Variants in PLA2G4A observed in about 807,000 individuals in gnomAD.
The protein encoded by PLA2G4A is phospholipase A2 group IVA, also known as cytosolic phospholipase A2.
A neutral mutation model predicts 81.9 loss-of-function variants in PLA2G4A; 40 were observed. The ratio of observed to expected loss-of-function variants is 0.49; its 90% confidence interval spans 0.38 to 0.64. The LOEUF is 0.64. PLA2G4A is among the 30% of genes least tolerant of loss of function. PLA2G4A has a pLI of 0.00. For missense variants in PLA2G4A, 715 were observed against 905.1 expected (o/e 0.79, Z 2.69); for synonymous variants, 302 against 296.9 (o/e 1.02, Z -0.18).
Position 186,893,135 on chromosome 1 carries a change from T to A in PLA2G4A, c.240T>A (p.Asp80Glu). 1 of 1,612,906 alleles carries A rather than the reference T, an allele frequency of 6.2e-7. No homozygotes were observed. The highest frequency in any genetic ancestry group is 8.5e-7 in the Non-Finnish European group (1 of 1,178,940). Residue 80 changes from aspartate to glutamate, a missense_variant, in exon 4 of 18, where the codon GAT becomes GAA. Coordinates refer to ENST00000367466, the MANE Select transcript of PLA2G4A (RefSeq NM_024420.3). The part of the protein sequence containing the change: ...VWNETFEFIL[D>E]PNQENVLEIT... ...ATGAGACCTTTGAATTTATTTTGGATCCTAATCAGGAAAATGTTTTGGAGG... is the reference window on the plus strand; with the variant it reads ...ATGAGACCTTTGAATTTATTTTGGAACCTAATCAGGAAAATGTTTTGGAGG...
At chr1:186,926,747 C>T (rs891586943) in intron 7 of PLA2G4A, among the ~76,000 whole-genome samples, 33 of 152,228 alleles carry the variant, frequency 2.2e-4, no homozygotes, top group Admixed American at 6.5e-4. Flanking sequence ...TACCTTTGTG[C>T]GTCACTTGTA....
chr1:186,908,445 A>T (rs1654817831), intron 6 of PLA2G4A, among the ~76,000 whole-genome samples: 1 of 151,944 alleles, frequency 6.6e-6, no homozygotes. Flanking sequence ...TATGTTAGTG[A>T]TTGATAGATT....
intron 2 of PLA2G4A, among the ~76,000 whole-genome samples, chr1:186,866,579 T>C (rs942486354): frequency 1.3e-5 from 2 of 152,140 alleles, no homozygotes; most frequent in East Asian, 1.9e-4. Flanking sequence ...AAAAACAATC[T>C]TTTTGTACAT....
intron 7 of PLA2G4A, among the ~76,000 whole-genome samples, chr1:186,922,482 G>T (rs1051076501): frequency 2.0e-5 from 3 of 152,154 alleles, no homozygotes; most frequent in African/African-American, 7.2e-5. Flanking sequence ...CCTTCACGGG[G>T]GCCTGCCACG....
chr1:186,841,252 A>C lies in PLA2G4A; in HGVS notation c.-70+12217A>C, dbSNP rs574417020. 2.0e-5 allele frequency among the ~76,000 whole-genome samples: 3 copies of C among 152,284 alleles called. No homozygotes were observed. The East Asian group carries it at 5.8e-4, about 29-fold the overall frequency. On this transcript the variant is annotated intron_variant, in intron 1 of 17. Coordinates refer to ENST00000367466, the MANE Select transcript of PLA2G4A (RefSeq NM_024420.3). ...CAAAAGATGAAAGTGATTCTTTTTG[A>C]GCTTTATTGGACCAATCCCAAGGAG...
intron 5 of PLA2G4A, among the ~76,000 whole-genome samples, chr1:186,896,733 A>AT (rs796798166): frequency 1.3e-5 from 2 of 151,884 alleles, no homozygotes; most frequent in East Asian, 1.9e-4. Flanking sequence ...TTATGTAACT[A>AT]TTTTTTTTAG....
intron 3 of PLA2G4A, among the ~76,000 whole-genome samples, chr1:186,888,884 T>G (rs1265774480): frequency 6.6e-6 from 1 of 152,170 alleles, no homozygotes; most frequent in Non-Finnish European, 1.5e-5. Flanking sequence ...GAGAAAAATC[T>G]GGCCCTATGA....
Position 186,988,950 on chromosome 1 carries a change from T to C in PLA2G4A, c.*442T>C, listed in dbSNP as rs1657985104. ...TTATTTATATATGCATATATATACA[T>C]ACATGAAATAAATACATCAATATAA... is the stretch of plus-strand genomic sequence containing the variant. On this transcript the variant is annotated 3_prime_UTR_variant, in exon 18 of 18. Coordinates refer to ENST00000367466, the MANE Select transcript of PLA2G4A (RefSeq NM_024420.3). The C allele has an allele frequency of 6.4e-6, 1 of 155,114 alleles. No homozygotes were observed. The highest frequency in any genetic ancestry group is 1.4e-5 in the Non-Finnish European group (1 of 69,570). The allele number at this position is 155,114 out of a possible 1,614,324, so 9.6% of individuals were successfully genotyped here. A position where few individuals can be genotyped will look rare whatever the true frequency, so the allele number is the denominator to read the frequency against.
intron 17 of PLA2G4A, among the ~76,000 whole-genome samples, chr1:186,979,943 C>CTTTTTTTTT (rs34029312): frequency 1.0e-4 from 10 of 98,806 alleles, no homozygotes; most frequent in East Asian, 3.3e-4. Flanking sequence ...ACAGCATTTC[C>CTTTTTTTTT]TTTTTTTTTT....
At chr1:186,857,049 T>G (rs1652579150) in intron 2 of PLA2G4A, among the ~76,000 whole-genome samples, 1 of 28,050 alleles carries the variant, frequency 3.6e-5, no homozygotes, top group Non-Finnish European at 6.5e-5. Flanking sequence ...AGCCCCCACA[T>G]GTGTCTGCCA....
At chr1:186,847,240 G>A (rs962169406) in intron 1 of PLA2G4A, among the ~76,000 whole-genome samples, 3 of 151,988 alleles carry the variant, frequency 2.0e-5, no homozygotes, top group Non-Finnish European at 4.4e-5. Context: ...AAATGTGATA[G>A]AGCTTATTTA....
At chr1:186,874,644 G>A (rs1653404645) in intron 3 of PLA2G4A, among the ~76,000 whole-genome samples, 1 of 151,958 alleles carries the variant, frequency 6.6e-6, no homozygotes, top group Non-Finnish European at 1.5e-5. Flanking sequence ...AAACATTAGA[G>A]CTTCCAAGAA....
chr1:186,943,183 T>C (rs549337349), intron 10 of PLA2G4A, among the ~76,000 whole-genome samples: 1 of 152,324 alleles, frequency 6.6e-6, no homozygotes, highest in South Asian at 2.1e-4. Context: ...CAATACCGGA[T>C]AATATTTTCC....
chr1:186,872,284 C>T (rs1444377941), intron 3 of PLA2G4A, among the ~76,000 whole-genome samples: 1 of 152,044 alleles, frequency 6.6e-6, no homozygotes, highest in Admixed American at 6.6e-5. Context: ...AAGAAAGGCC[C>T]CTGCGAAAGA....
intron 7 of PLA2G4A, among the ~76,000 whole-genome samples, chr1:186,916,352 G>A (rs1263469201): frequency 1.3e-5 from 2 of 152,106 alleles, no homozygotes; most frequent in Non-Finnish European, 2.9e-5. Flanking sequence ...AGGTGGACTG[G>A]ATCCTTTTCA....
In PLA2G4A at chr1:186,971,280, C is replaced by T. The variant is rs920324650; in HGVS notation, c.1764+5687C>T. ...CAGTTCTTATGTCAGTACCATACTGCATTTTAATAACTGTAGCTTTATTAT... is the reference window on the plus strand; with the variant it reads ...CAGTTCTTATGTCAGTACCATACTGTATTTTAATAACTGTAGCTTTATTAT... On this transcript the variant is annotated intron_variant, in intron 15 of 17. Transcript: ENST00000367466. 5.9e-5 allele frequency among the ~76,000 whole-genome samples: 9 copies of T among 151,946 alleles called. No individual in the cohort carries two copies. In the East Asian group the frequency reaches 1.7e-3, roughly 29 times the overall value.
At chr1:186,885,336 A>G (rs573094922) in intron 3 of PLA2G4A, among the ~76,000 whole-genome samples, 1 of 152,106 alleles carries the variant, frequency 6.6e-6, no homozygotes, top group Non-Finnish European at 1.5e-5. Context: ...CCTAATAAAT[A>G]CCCTTGACTT....
chr1:186,865,513 A>C (rs1174458551), intron 2 of PLA2G4A, among the ~76,000 whole-genome samples: 1 of 152,206 alleles, frequency 6.6e-6, no homozygotes, highest in Admixed American at 6.5e-5. Flanking sequence ...ACTATTAAAA[A>C]AAATTTCTGA....
chr1:186,984,525 G>A (rs930209585), intron 17 of PLA2G4A, among the ~76,000 whole-genome samples: 5 of 152,098 alleles, frequency 3.3e-5, no homozygotes, highest in African/African-American at 1.2e-4. Flanking sequence ...AACATTAAAT[G>A]TTAATTAAAA....
Sources: allele counts gnomAD v4.1 joint callset (sites outside exome capture counted in the v4.1 genomes callset), GRCh38; gene constraint gnomAD v4.1.1; transcripts MANE v1.5; gene names NCBI Gene and HGNC (gene_info 2026-07-23, HGNC 2026-07-21).